Variants in SHROOM4 observed in about 807,000 individuals in gnomAD.
The protein encoded by SHROOM4 is protein Shroom4.
In SHROOM4, 17 loss-of-function variants were observed where a neutral mutation model predicts 80.3. The ratio of observed to expected loss-of-function variants is 0.21; its 90% CI spans 0.14 to 0.32. The LOEUF (loss-of-function observed/expected upper bound fraction) is 0.32. SHROOM4 is among the 10% of genes least tolerant of loss of function. The pLI is 1.00. For synonymous variants in SHROOM4, 400 were observed against 437.5 expected (o/e 0.91, Z 1.07); for missense variants, 993 against 1,140.3 (o/e 0.87, Z 1.86).
intron 2 of SHROOM4, among the ~76,000 whole-genome samples, chrX:50,672,066 G>A (rs1354481376): frequency 8.9e-6 from 1 of 111,866 alleles, no homozygotes; most frequent in Non-Finnish European, 1.9e-5. Flanking sequence ...TGGCCTGTCG[G>A]TACACACGAC....
At chrX:50,793,559 C>T (rs1935896709) in intron 1 of SHROOM4, among the ~76,000 whole-genome samples, 1 of 104,056 alleles carries the variant, frequency 9.6e-6, no homozygotes. Context: ...AGTATCATTG[C>T]TTTTTAGTCA....
chrX:50,686,128 C>T (rs1181566032), intron 2 of SHROOM4, among the ~76,000 whole-genome samples: 1 of 110,585 alleles, frequency 9.0e-6, no homozygotes, highest in African/African-American at 3.3e-5. Flanking sequence ...CTCCCGGGTT[C>T]ACGCCATTCT....
At chrX:50,742,120 C>G (rs1934672380) in intron 1 of SHROOM4, among the ~76,000 whole-genome samples, 1 of 110,518 alleles carries the variant, frequency 9.0e-6, no homozygotes, top group Admixed American at 9.7e-5. Flanking sequence ...TCTCTGGTTT[C>G]ATTTCCTTAC....
In SHROOM4 at chrX:50,596,790, T is replaced by C. The variant is rs1557246765; in HGVS notation, c.4387A>G (p.Ile1463Val). The C allele has an allele frequency of 3.3e-6, 4 of 1,211,746 alleles. No individual in the cohort carries two copies. Among genetic ancestry groups the C allele is most frequent in the Non-Finnish European group, 3.4e-6 (3 of 895,308 alleles). ...HFVKMKSALI[I>V]EQRELEEKIK... ...TTCTCCTCCAGCTCTCGCTGTTCAA[T>C]GATGAGAGCAGATTTCATCTTGACA... Residue 1463 changes from isoleucine (I) to valine (V), a missense_variant, in exon 9 of 9, where the codon ATT becomes GTT. Physicochemically the swap from Ile to Val is conservative, Grantham distance 29. Transcript: ENST00000376020.
intron 5 of SHROOM4, among the ~76,000 whole-genome samples, chrX:50,612,186 T>TAA (rs782596447): frequency 1.9e-5 from 2 of 103,694 alleles, no homozygotes; most frequent in African/African-American, 7.0e-5. Context: ...CTAATCTAAT[T>TAA]AAAAAAAAAA....
chrX:50,698,508 C>T (rs1363598625), intron 1 of SHROOM4, among the ~76,000 whole-genome samples: 2 of 111,652 alleles, frequency 1.8e-5, no homozygotes, highest in Non-Finnish European at 3.8e-5. Flanking sequence ...AAGTAAGACT[C>T]CATTTGGTTG....
intron 1 of SHROOM4, among the ~76,000 whole-genome samples, chrX:50,776,861 G>T (rs1242168991): frequency 9.2e-6 from 1 of 108,535 alleles, no homozygotes; most frequent in East Asian, 2.9e-4. Flanking sequence ...GCTAATTTTT[G>T]AATTTTTTCG....
intron 1 of SHROOM4, among the ~76,000 whole-genome samples, chrX:50,787,463 G>A (rs1438206089): frequency 1.8e-5 from 2 of 110,829 alleles, no homozygotes; most frequent in Non-Finnish European, 3.8e-5. Context: ...TCCAGAAGGA[G>A]AGTAAAAAGA....
At chrX:50,730,461 A>T (rs1198903865) in intron 1 of SHROOM4, among the ~76,000 whole-genome samples, 2 of 110,166 alleles carry the variant, frequency 1.8e-5, no homozygotes, top group East Asian at 2.9e-4. Flanking sequence ...CAAATAAAAA[A>T]ATAAAAAGCA....
chrX:50,785,970 C>G (rs1475679192), intron 1 of SHROOM4, among the ~76,000 whole-genome samples: 1 of 111,591 alleles, frequency 9.0e-6, no homozygotes, highest in Non-Finnish European at 1.9e-5. Context: ...CTCAACTCTC[C>G]TAACCACATG....
intron 5 of SHROOM4, among the ~76,000 whole-genome samples, chrX:50,613,006 T>G (rs2147245374): frequency 8.9e-6 from 1 of 112,352 alleles, no homozygotes; most frequent in East Asian, 2.8e-4. Context: ...CACTAATATT[T>G]AATATTGTTC....
At chrX:50,730,234 C>T (rs968409957) in intron 1 of SHROOM4, among the ~76,000 whole-genome samples, 2 of 110,523 alleles carry the variant, frequency 1.8e-5, no homozygotes, top group African/African-American at 6.6e-5. Flanking sequence ...TCGAGACCAG[C>T]ATGACCAACA....
In SHROOM4 at chrX:50,634,982, G is replaced by C; in HGVS notation, c.1091C>G (p.Thr364Ser). Residue 364 changes from threonine (T) to serine (S), a missense_variant, in exon 4 of 9, where the codon ACC (threonine) becomes AGC (serine). Transcript: ENST00000376020. ...GSEHLLMQAS[T>S]KAVGSPKACD... ...GGCTTTTGGGGATCCAACAGCTTTG[G>C]TTGAGGCCTGCATCAGTAGATGCTC... 8.2e-7 allele frequency: 1 copy of C among 1,212,160 alleles called. No homozygotes were observed. Among genetic ancestry groups the C allele is most frequent in the South Asian group, 1.8e-5 (1 of 56,994 alleles).
At chrX:50,795,388 A>T (rs1935990224) in intron 1 of SHROOM4, among the ~76,000 whole-genome samples, 1 of 108,919 alleles carries the variant, frequency 9.2e-6, no homozygotes, top group African/African-American at 3.4e-5. Flanking sequence ...TCTACTTGTT[A>T]AATGCTCTAT....
At position 50,595,295 on chromosome X, in the gene SHROOM4, T is replaced by C. The variant is rs1929055211; in HGVS notation, c.*1400A>G. 1 of 113,676 alleles carries C rather than the reference T, an allele frequency of 8.8e-6. No individual in the cohort carries two copies. The highest frequency in any genetic ancestry group is 3.2e-5 in the African/African-American group (1 of 30,831). The allele number at this position is 113,676 out of a possible 1,213,427, so 9.4% of individuals were successfully genotyped here. ...GGCAACAGCAGCAGTTTTAGTTGTT[T>C]GTATGCCTAAGATCCTGGCTGGGTC... On this transcript the variant is annotated 3_prime_UTR_variant, in exon 9 of 9. Transcript: ENST00000376020.
At chrX:50,675,015 T>C (rs1215559882) in intron 2 of SHROOM4, among the ~76,000 whole-genome samples, 1 of 112,058 alleles carries the variant, frequency 8.9e-6, no homozygotes, top group Non-Finnish European at 1.9e-5. Context: ...AGTGGGACAC[T>C]ATTCTAAGCA....
At chrX:50,628,622 A>G (rs1358469640) in intron 4 of SHROOM4, among the ~76,000 whole-genome samples, 1 of 111,643 alleles carries the variant, frequency 9.0e-6, no homozygotes, top group Non-Finnish European at 1.9e-5. Flanking sequence ...AGGTCTCCCT[A>G]CTGGAAGTAA....
chrX:50,759,787 T>C (rs1440724082), intron 1 of SHROOM4, among the ~76,000 whole-genome samples: 1 of 112,076 alleles, frequency 8.9e-6, no homozygotes, highest in Non-Finnish European at 1.9e-5. Context: ...TCTTATTTTC[T>C]TATTTCTTCA....
At chrX:50,722,632 C>T (rs1934143724) in intron 1 of SHROOM4, among the ~76,000 whole-genome samples, 1 of 109,988 alleles carries the variant, frequency 9.1e-6, no homozygotes, top group Non-Finnish European at 1.9e-5. Context: ...TTCCTTCCGT[C>T]CATCCTTCCT....
Sources: gnomAD v4.1 joint callset for allele counts (sites outside exome capture counted in the v4.1 genomes callset) on GRCh38, gnomAD v4.1.1 for gene constraint, MANE v1.5 for transcripts, NCBI Gene and HGNC (gene_info 2026-07-23, HGNC 2026-07-21) for gene names.